The following COBL variants were observed in gnomAD, a reference collection of about 807,000 sequenced individuals.
COBL encodes the protein cordon-bleu WH2 repeat protein.
In COBL, 51 loss-of-function variants were observed where a neutral mutation model predicts 98.8. That is an observed-to-expected ratio of 0.52 (90% CI 0.41 to 0.65). COBL has a LOEUF of 0.65. COBL is among the 30% of genes least tolerant of loss of function. COBL has a pLI of 0.00. For missense variants in COBL, 1,617 were observed against 1,617.5 expected (o/e 1.00, Z 0.01); for synonymous variants, 634 against 651.7 (o/e 0.97, Z 0.41).
At chr7:51,063,139 T>C (rs1399147242) in intron 7 of COBL, among the ~76,000 whole-genome samples, 2 of 1,178 alleles carry the variant, frequency 1.7e-3, no homozygotes, top group African/African-American at 6.6e-3. Context: ...TTTCTCTCTC[T>C]TTTTTTTTTT....
intron 8 of COBL, 93 bp from the exon 9 acceptor site, chr7:51,031,002 T>A (rs902708213): frequency 1.5e-5 from 13 of 886,844 alleles, no homozygotes; most frequent in East Asian, 9.8e-5. Flanking sequence ...GAACAGCTCA[T>A]ACTCAAATTC....
chr7:51,186,647 C>A (rs1479426478), intron 4 of COBL, among the ~76,000 whole-genome samples: 1 of 152,214 alleles, frequency 6.6e-6, no homozygotes, highest in Non-Finnish European at 1.5e-5. Flanking sequence ...CTTTCTCATG[C>A]AGCTACAGCC....
chr7:51,083,048 A>T, intron 7 of COBL: 1 of 1,531,842 alleles, frequency 6.5e-7, no homozygotes, highest in Non-Finnish European at 8.7e-7. Context: ...ATGAAGCAAG[A>T]GGAACATACG....
intron 1 of COBL, among the ~76,000 whole-genome samples, chr7:51,288,944 G>A (rs888310331): frequency 1.3e-5 from 2 of 152,064 alleles, no homozygotes; most frequent in Non-Finnish European, 2.9e-5. Flanking sequence ...AAGTCATCAG[G>A]GTTAAAACTG....
intron 6 of COBL, among the ~76,000 whole-genome samples, chr7:51,117,572 C>T (rs2128985484): frequency 6.6e-6 from 1 of 152,086 alleles, no homozygotes; most frequent in East Asian, 1.9e-4. Flanking sequence ...TTCTTATTAA[C>T]CATATGAGAT....
chr7:51,198,534 T>G (rs1236495740), intron 2 of COBL, among the ~76,000 whole-genome samples: 5 of 152,240 alleles, frequency 3.3e-5, no homozygotes, highest in Admixed American at 6.5e-5. Flanking sequence ...CTGCATTTAT[T>G]TCTTTTACAT....
chr7:51,222,336 A>G (rs1207543097), intron 1 of COBL, among the ~76,000 whole-genome samples: 1 of 152,150 alleles, frequency 6.6e-6, no homozygotes, highest in Non-Finnish European at 1.5e-5. Flanking sequence ...ACTTCTTTCA[A>G]TTTATAGAAA....
intron 2 of COBL, among the ~76,000 whole-genome samples, chr7:51,197,563 A>G (rs567252056): frequency 6.6e-6 from 1 of 152,182 alleles, no homozygotes; most frequent in African/African-American, 2.4e-5. Flanking sequence ...TCAGGTCCTG[A>G]ATATCTTTGT....
At chr7:51,085,399 C>T in intron 6 of COBL, 95 bp from the exon 7 acceptor site, 2 of 1,341,540 alleles carry the variant, frequency 1.5e-6, no homozygotes, top group Non-Finnish European at 1.0e-6. Context: ...GGGGCAGGGA[C>T]CTGCACCGGA....
At chr7:51,219,459 G>A (rs979671860) in intron 2 of COBL, among the ~76,000 whole-genome samples, 7 of 151,768 alleles carry the variant, frequency 4.6e-5, no homozygotes, top group East Asian at 2.0e-4. Context: ...ACCTGCCCTC[G>A]TTTCTGAGCC....
rs1316234943 is a variant in COBL at position 51,043,658 on chromosome 7, G to T, written c.1131C>A (p.Ser377Arg). 6.2e-7 allele frequency: 1 copy of T among 1,613,912 alleles called. No homozygotes were observed. The highest frequency in any genetic ancestry group is 1.3e-5 in the African/African-American group (1 of 74,944). The change falls in exon 8 of 13, where the codon AGC (serine) becomes AGA (arginine). Residue 377 changes from serine (S) to arginine (R), a missense_variant. This residue lies in a region of COBL where 1,304 missense variants were observed against 1,282.0 expected (regional missense o/e 1.02). Coordinates refer to ENST00000265136, the MANE Select transcript of COBL (RefSeq NM_015198.5). ...ACAGCACCTGCGGGGCTCCATCCGG[G>T]CTGCAGTGGCTGCCAGACCCCAGGG... Reference protein sequence around the residue: ...SLPLGSGSHCSPDGAPQVLSE... With the variant: ...SLPLGSGSHCRPDGAPQVLSE...
intron 5 of COBL, among the ~76,000 whole-genome samples, chr7:51,158,573 G>T (rs1213724144): frequency 6.6e-6 from 1 of 152,228 alleles, no homozygotes; most frequent in Non-Finnish European, 1.5e-5. Flanking sequence ...GATTTAAGAA[G>T]ATCCCAGTCT....
chr7:51,017,877 G>A (rs1199871862), intron 12 of COBL, among the ~76,000 whole-genome samples: 1 of 152,232 alleles, frequency 6.6e-6, no homozygotes, highest in Non-Finnish European at 1.5e-5. Context: ...CTCTTGGGCT[G>A]TGTGGGTACG....
intron 2 of COBL, among the ~76,000 whole-genome samples, chr7:51,205,212 T>C (rs1039656820): frequency 6.6e-6 from 1 of 152,144 alleles, no homozygotes; most frequent in East Asian, 1.9e-4. Context: ...CTCAAAGATA[T>C]CTTAAGAAAG....
At chr7:51,145,479 C>A (rs1025353868) in intron 5 of COBL, among the ~76,000 whole-genome samples, 1 of 151,204 alleles carries the variant, frequency 6.6e-6, no homozygotes, top group Non-Finnish European at 1.5e-5. Flanking sequence ...CTCCCGGGTT[C>A]AAGCTTCTCC....
intron 2 of COBL, among the ~76,000 whole-genome samples, chr7:51,215,022 G>C (rs1379443148): frequency 6.6e-6 from 1 of 151,688 alleles, no homozygotes; most frequent in East Asian, 1.9e-4. Flanking sequence ...TTTTCTACTT[G>C]CTGAGGAGTC....
chr7:51,136,611 AT>A (rs1799263960), intron 5 of COBL, among the ~76,000 whole-genome samples: 2 of 152,194 alleles, frequency 1.3e-5, no homozygotes, highest in South Asian at 4.1e-4. Context: ...AGCAGCTAGA[AT>A]CATTTAAACT....
intron 7 of COBL, among the ~76,000 whole-genome samples, chr7:51,068,035 C>T (rs1792125520): frequency 6.6e-6 from 1 of 152,208 alleles, no homozygotes; most frequent in African/African-American, 2.4e-5. Context: ...CTAGCCCCAG[C>T]CTGGCAGCTG....
chr7:51,133,731 G>A (rs752004620), intron 6 of COBL, among the ~76,000 whole-genome samples: 2 of 152,110 alleles, frequency 1.3e-5, no homozygotes, highest in Non-Finnish European at 2.9e-5. Context: ...AAGAGCATTC[G>A]GTCACCTCCA....
Sources: allele counts gnomAD v4.1 joint callset (sites outside exome capture counted in the v4.1 genomes callset), GRCh38; gene constraint gnomAD v4.1.1; regional missense constraint gnomAD v4.1.1; transcripts MANE v1.5; gene names NCBI Gene and HGNC (gene_info 2026-07-23, HGNC 2026-07-21).